Variants in SGPL1 observed in about 807,000 individuals in gnomAD.
The protein encoded by SGPL1 is sphingosine-1-phosphate lyase 1.
In SGPL1, 37 loss-of-function variants were observed where a neutral mutation model predicts 68.9. The observed-to-expected ratio is 0.54, with a 90% CI of 0.41 to 0.71. The LOEUF (loss-of-function observed/expected upper bound fraction) is 0.71. Among genes scored for constraint, SGPL1 ranks in the 30% least tolerant of loss-of-function variants. The pLI is 0.00. For synonymous variants in SGPL1, 236 were observed against 248.5 expected (o/e 0.95, Z 0.47); for missense variants, 551 against 704.6 (o/e 0.78, Z 2.47).
intron 2 of SGPL1, among the ~76,000 whole-genome samples, chr10:70,839,277 G>T (rs934452570): frequency 3.3e-5 from 5 of 151,150 alleles, no homozygotes; most frequent in African/African-American, 1.2e-4. Flanking sequence ...TACTACTAAG[G>T]TTTATAAGAG....
chr10:70,823,591 G>A (rs945619802), intron 2 of SGPL1, among the ~76,000 whole-genome samples: 3 of 130,002 alleles, frequency 2.3e-5, no homozygotes, highest in African/African-American at 8.6e-5. Context: ...AAGCTAATGG[G>A]ATCTCATTTC....
chr10:70,844,377 C>A, intron 2 of SGPL1, 96 bp from the exon 3 acceptor site: 1 of 1,104,224 alleles, frequency 9.1e-7, no homozygotes, highest in Non-Finnish European at 1.3e-6. Flanking sequence ...CCGGAATGAC[C>A]TTGCCCTTGA....
intron 3 of SGPL1, among the ~76,000 whole-genome samples, chr10:70,850,747 TC>T (rs1363863544): frequency 6.6e-6 from 1 of 152,132 alleles, no homozygotes; most frequent in Non-Finnish European, 1.5e-5. Context: ...AAGATAATAC[TC>T]CTAAGTGGAA....
In SGPL1 at chr10:70,817,453, G is replaced by A. The variant is rs1845254606; in HGVS notation, c.27+573G>A. ...TTATTATTTTTTTTAAATGAGACAAGGTCTTGCTATGTTCCTCAGACCGGA... is the reference window on the plus strand; with the variant it reads ...TTATTATTTTTTTTAAATGAGACAAAGTCTTGCTATGTTCCTCAGACCGGA... On this transcript the variant is annotated intron_variant, in intron 2 of 14. Transcript: ENST00000373202. 2.0e-5 allele frequency among the ~76,000 whole-genome samples: 3 copies of A among 152,104 alleles called. No homozygotes were observed. The South Asian group carries it at 6.2e-4, about 32-fold the overall frequency.
intron 2 of SGPL1, among the ~76,000 whole-genome samples, chr10:70,844,010 C>A (rs536480066): frequency 1.3e-5 from 2 of 152,262 alleles, no homozygotes; most frequent in African/African-American, 4.8e-5. Context: ...AGAATGTTTG[C>A]TTTGCAACAC....
chr10:70,857,834 A>C, intron 6 of SGPL1, 144 bp downstream of exon 6: 1 of 515,772 alleles, frequency 1.9e-6, no homozygotes, highest in South Asian at 2.6e-5. Flanking sequence ...CTCTTCACCC[A>C]AACATAGGCG....
intron 2 of SGPL1, among the ~76,000 whole-genome samples, chr10:70,841,783 G>A (rs911606091): frequency 6.6e-6 from 1 of 152,070 alleles, no homozygotes; most frequent in African/African-American, 2.4e-5. Flanking sequence ...TAGAACACTG[G>A]ATGTGGATAT....
chr10:70,816,756 G>C (rs1033372091), intron 1 of SGPL1, 55 bp from the exon 2 acceptor site: 14 of 1,235,322 alleles, frequency 1.1e-5, no homozygotes, highest in Admixed American at 1.7e-5. Flanking sequence ...ATCTAGGCGG[G>C]CTGGCGAGAC....
chr10:70,871,061 C>G lies in SGPL1; in HGVS notation c.824C>G (p.Ala275Gly). 2.5e-6 allele frequency: 4 copies of G among 1,612,950 alleles called. No individual in the cohort carries two copies. The highest frequency in any genetic ancestry group is 3.4e-6 in the Non-Finnish European group (4 of 1,178,944). The change falls in exon 10 of 15, where the codon GCT (alanine) becomes GGT (glycine). Residue 275 changes from alanine to glycine, a missense_variant. By Grantham distance (60) the Ala-to-Gly change is moderately conservative (BLOSUM62 0). Coordinates refer to ENST00000373202, the MANE Select transcript of SGPL1 (RefSeq NM_003901.4). ...TTAAATCCCTAGGCAATGAGAAGAG[C>G]TATCTCCAGGAACACTGCCATGCTC... Reference protein sequence around the residue: ...MEVDVRAMRRAISRNTAMLVC... With the variant: ...MEVDVRAMRRGISRNTAMLVC...
rs115602416 is a variant in SGPL1, at chr10:70,819,559, A to T, written c.27+2679A>T. On this transcript the variant is annotated intron_variant, in intron 2 of 14. Coordinates refer to ENST00000373202, the MANE Select transcript of SGPL1 (RefSeq NM_003901.4). ...CTGGGAAGAAAGGACCTAAGTGAAT[A>T]AAAAAATAACCTCAGTGCAGTGCAG... Among the ~76,000 whole-genome samples the T allele has an allele frequency of 8.8e-3, 1,346 of 152,212 alleles. 31 individuals are homozygous for T. Among genetic ancestry groups the T allele is most frequent in the African/African-American group, 0.031 (1,278 of 41,516 alleles).
intron 2 of SGPL1, among the ~76,000 whole-genome samples, chr10:70,821,588 T>TA (rs1845338875): frequency 6.6e-6 from 1 of 152,162 alleles, no homozygotes; most frequent in African/African-American, 2.4e-5. Context: ...TTTGGGTTGT[T>TA]ACACCTGAAG....
intron 2 of SGPL1, among the ~76,000 whole-genome samples, chr10:70,817,171 C>T (rs1845248344): frequency 6.6e-6 from 1 of 152,176 alleles, no homozygotes; most frequent in South Asian, 2.1e-4. Flanking sequence ...AGGCGCACGC[C>T]ACCACGCCCG....
At chr10:70,877,034 A>G (rs1215309630) in intron 14 of SGPL1, among the ~76,000 whole-genome samples, 161 bp from the exon 15 acceptor site, 2 of 152,264 alleles carry the variant, frequency 1.3e-5, no homozygotes, top group East Asian at 3.8e-4. Context: ...TGACTATGCC[A>G]GCTGTTTTTC....
At chr10:70,827,924 A>C (rs575794766) in intron 2 of SGPL1, among the ~76,000 whole-genome samples, 12 of 152,300 alleles carry the variant, frequency 7.9e-5, no homozygotes, top group African/African-American at 2.6e-4. Context: ...CTTTTTGCTC[A>C]ACATTGTGTT....
chr10:70,869,767 T>C, intron 8 of SGPL1, 25 bp from the exon 9 acceptor site: 1 of 1,591,322 alleles, frequency 6.3e-7, no homozygotes, highest in Non-Finnish European at 8.6e-7. Flanking sequence ...TGAGTTACAT[T>C]ATTCTCCTCT....
chr10:70,855,994 C>T (rs1026595532), intron 5 of SGPL1, among the ~76,000 whole-genome samples: 3 of 151,682 alleles, frequency 2.0e-5, no homozygotes, highest in Admixed American at 2.0e-4. Flanking sequence ...TTGACAAATA[C>T]CCTTATTTTT....
intron 2 of SGPL1, among the ~76,000 whole-genome samples, chr10:70,835,399 G>A (rs201193164): frequency 9.3e-4 from 141 of 152,222 alleles, no homozygotes; most frequent in African/African-American, 3.2e-3. Flanking sequence ...TGACTCTTGA[G>A]AAATACCCTG....
chr10:70,857,388 A>G (rs1004603167), intron 5 of SGPL1: 2 of 451,030 alleles, frequency 4.4e-6, no homozygotes, highest in African/African-American at 4.0e-5. Context: ...GCTAAATGCT[A>G]TTAATATCTT....
chr10:70,852,023 C>G (rs1845890195), intron 4 of SGPL1, among the ~76,000 whole-genome samples: 1 of 152,222 alleles, frequency 6.6e-6, no homozygotes, highest in Non-Finnish European at 1.5e-5. Context: ...GCGTCTCCCA[C>G]AGGTTATCCC....
Sources: gnomAD v4.1 joint callset for allele counts (sites outside exome capture counted in the v4.1 genomes callset) on GRCh38, gnomAD v4.1.1 for gene constraint, MANE v1.5 for transcripts, NCBI Gene and HGNC (gene_info 2026-07-23, HGNC 2026-07-21) for gene names.